The following LRRC73 variants were observed in gnomAD, a reference collection of about 807,000 sequenced individuals.
LRRC73 encodes leucine rich repeat containing 73.
In LRRC73, 16 loss-of-function variants were observed where a neutral mutation model predicts 26.4. The observed-to-expected ratio is 0.61, with a 90% CI of 0.41 to 0.92. The LOEUF is 0.92. Ranked by LOEUF, LRRC73 falls within the 40% of genes least tolerant of loss-of-function variation. The pLI, the probability that LRRC73 is intolerant of heterozygous loss-of-function variation, is 0.00. For missense variants in LRRC73, 344 were observed against 416.3 expected (o/e 0.83, Z 1.51); for synonymous variants, 210 against 179.8 (o/e 1.17, Z -1.34).
intron 2 of LRRC73, 148 bp from the exon 3 acceptor site, chr6:43,508,568 C>T (rs925936932): frequency 7.1e-7 from 1 of 1,404,494 alleles, no homozygotes; most frequent in Non-Finnish European, 9.7e-7. Context: ...TAAGGAGGCC[C>T]ATGCTTCCTC....
intron 2 of LRRC73, 118 bp downstream of exon 2, chr6:43,508,642 G>T: frequency 1.4e-6 from 2 of 1,439,400 alleles, no homozygotes; most frequent in Non-Finnish European, 1.9e-6. Context: ...TTCCTGAGAG[G>T]AGTAGAAAGA....
At chr6:43,507,561 C>T in exon 5 of LRRC73, 2 of 1,614,066 alleles carry the variant, frequency 1.2e-6, no homozygotes, top group Non-Finnish European at 1.7e-6. Context: ...TCCTCCTCCT[C>T]CTCTCCCTCA....
intron 2 of LRRC73, 100 bp from the exon 3 acceptor site, chr6:43,508,520 GGC>G: frequency 6.4e-7 from 1 of 1,556,688 alleles, no homozygotes; most frequent in Non-Finnish European, 8.7e-7. Context: ...CTAGTGGCTG[GGC>G]ACCACCTTAC....
intron 3 of LRRC73, 105 bp from the exon 4 acceptor site, chr6:43,508,031 GA>G: frequency 2.7e-6 from 3 of 1,114,928 alleles, no homozygotes; most frequent in Non-Finnish European, 3.9e-6. Context: ...CCTGGCCAAG[GA>G]AACATGGACA....
Position 43,508,308 on chromosome 6 carries a change from G to T in LRRC73, c.546C>A (p.Tyr182Ter). The T allele has an allele frequency of 6.2e-7, 1 of 1,612,530 alleles. No individual in the cohort carries two copies. Among genetic ancestry groups the T allele is most frequent in the Non-Finnish European group, 8.5e-7 (1 of 1,179,292 alleles). ...ATTCTTGAGCCTCACCCAGGGGGTT[G>T]TAATCCAGATTGAGGACGCGGACCT... The change falls in exon 3 of 6, where the codon TAC becomes TAA. Residue 182 changes from tyrosine to a stop codon, truncating the protein, a stop_gained. Coordinates refer to ENST00000372441, the Ensembl canonical transcript of LRRC73. LOFTEE classifies it high-confidence loss of function.
intron 2 of LRRC73, 149 bp downstream of exon 2, chr6:43,508,611 T>TGCTGCC: frequency 7.3e-7 from 1 of 1,378,702 alleles, no homozygotes; most frequent in South Asian, 1.3e-5. Context: ...TGAGTCTCCA[T>TGCTGCC]GCTGCCCCCC....
rs939812247 is a variant in LRRC73 at position 43,509,458 on chromosome 6, G to A, written c.272+56C>T. 8.4e-6 allele frequency: 13 copies of A among 1,544,048 alleles called. No homozygotes were observed. The African/African-American group carries it at 1.5e-4, about 18-fold the overall frequency. On this transcript the variant is annotated intron_variant, in intron 1 of 5. Coordinates refer to ENST00000372441, the Ensembl canonical transcript of LRRC73. ...AGTGTGGAGGAACAGGAGGTGCCAG[G>A]GGAGTGTATGGAAGGGTGCAGTGCC... is the stretch of plus-strand genomic sequence containing the variant.
At chr6:43,508,811 C>T (rs750586681) in exon 2 of LRRC73, 1 of 1,613,108 alleles carries the variant, frequency 6.2e-7, no homozygotes, top group South Asian at 1.1e-5. Context: ...TTGATGGCTT[C>T]ATCACCCAGC....
At chr6:43,508,986 T>C in intron 1 of LRRC73, 66 bp from the exon 2 acceptor site, 1 of 1,429,332 alleles carries the variant, frequency 7.0e-7, no homozygotes, top group Admixed American at 2.6e-5. Context: ...AAAGGGGCAC[T>C]TTCACTTCTG....
At chr6:43,508,987 T>G in intron 1 of LRRC73, 67 bp from the exon 2 acceptor site, 1 of 1,426,730 alleles carries the variant, frequency 7.0e-7, no homozygotes, top group Non-Finnish European at 9.3e-7. Context: ...AAGGGGCACT[T>G]TCACTTCTGT....
intron 2 of LRRC73, 130 bp from the exon 3 acceptor site, chr6:43,508,550 A>G: frequency 6.9e-7 from 1 of 1,452,470 alleles, no homozygotes; most frequent in Non-Finnish European, 9.3e-7. Flanking sequence ...ATAGAGGTCA[A>G]GAGCCATTAA....
At chr6:43,509,849 G>T in exon 1 of LRRC73, 1 of 1,379,622 alleles carries the variant, frequency 7.2e-7, no homozygotes, top group South Asian at 1.6e-5. Context: ...CGCGGGCGGG[G>T]CCGGGGATAG....
intron 2 of LRRC73, 114 bp from the exon 3 acceptor site, chr6:43,508,534 C>T: frequency 1.3e-6 from 2 of 1,514,198 alleles, no homozygotes; most frequent in Non-Finnish European, 1.8e-6. Context: ...CCACCTTACC[C>T]CCACCATAGA....
chr6:43,509,292 G>A (rs773603760), intron 1 of LRRC73, among the ~76,000 whole-genome samples: 2 of 152,238 alleles, frequency 1.3e-5, no homozygotes, highest in African/African-American at 4.8e-5. Flanking sequence ...CCCACCTCAT[G>A]TCAGGAACTG....
chr6:43,509,317 A>C (rs1792596772), intron 1 of LRRC73, among the ~76,000 whole-genome samples, 197 bp downstream of exon 1: 1 of 152,198 alleles, frequency 6.6e-6, no homozygotes, highest in Non-Finnish European at 1.5e-5. Context: ...GTATCCCAAC[A>C]CGGCTAGGGT....
chr6:43,510,081 T>G, exon 1 of LRRC73: 4 of 223,208 alleles, frequency 1.8e-5, no homozygotes, highest in Admixed American at 5.8e-5. Context: ...GGTCCGTGTC[T>G]GGGCGTTGGG....
intron 1 of LRRC73, 45 bp downstream of exon 1, chr6:43,509,469 G>A: frequency 1.3e-6 from 2 of 1,569,364 alleles, no homozygotes; most frequent in South Asian, 1.2e-5. Context: ...GGAGTGTATG[G>A]AAGGGTGCAG....
chr6:43,507,459 T>G, exon 5 of LRRC73: 3 of 1,612,918 alleles, frequency 1.9e-6, no homozygotes, highest in Non-Finnish European at 2.5e-6. Context: ...TTCTTACCGC[T>G]GGGGCACATC....
chr6:43,508,689 C>G, intron 2 of LRRC73, 71 bp downstream of exon 2: 1 of 1,510,344 alleles, frequency 6.6e-7, no homozygotes. Flanking sequence ...TGGGGCCACA[C>G]CCCCTTCCCT....
Sources: allele counts gnomAD v4.1 joint callset (sites outside exome capture counted in the v4.1 genomes callset), GRCh38; gene constraint gnomAD v4.1.1; transcripts MANE v1.5; gene names NCBI Gene and HGNC (gene_info 2026-07-23, HGNC 2026-07-21).